Variants in BCAR3 observed in about 807,000 individuals in gnomAD.
The protein encoded by BCAR3 is BCAR3 adaptor protein, NSP family member, also known as breast cancer anti-estrogen resistance protein 3.
A neutral mutation model predicts 80.1 loss-of-function variants in BCAR3; 37 were observed. The ratio of observed to expected loss-of-function variants is 0.46; its 90% CI spans 0.36 to 0.61. The LOEUF is 0.61. BCAR3 is among the 20% of genes least tolerant of loss of function. BCAR3 has a pLI of 0.00. For missense variants in BCAR3, 978 were observed against 1,068.2 expected, an observed-to-expected ratio of 0.92 and a Z score of 1.18; for synonymous variants, 389 against 418.9, an observed-to-expected ratio of 0.93 and a Z score of 0.87.
At chr1:93,622,166 T>C (rs1675335120) in intron 3 of BCAR3, among the ~76,000 whole-genome samples, 1 of 152,224 alleles carries the variant, frequency 6.6e-6, no homozygotes, top group African/African-American at 2.4e-5. Flanking sequence ...CCCAAAGTGC[T>C]GGGATTACAG....
At chr1:93,652,457 T>C (rs978711430) in intron 2 of BCAR3, among the ~76,000 whole-genome samples, 6 of 152,162 alleles carry the variant, frequency 3.9e-5, no homozygotes, top group Admixed American at 2.6e-4. Flanking sequence ...CCAGACACCC[T>C]TTCCAGGGAG....
intron 2 of BCAR3, among the ~76,000 whole-genome samples, chr1:93,651,697 G>A (rs1231392504): frequency 6.6e-6 from 1 of 152,098 alleles, no homozygotes; most frequent in Non-Finnish European, 1.5e-5. Context: ...TAAAGAAGTC[G>A]ATTAGATGTA....
intron 2 of BCAR3, among the ~76,000 whole-genome samples, chr1:93,648,482 T>TAAATGAATG (rs1676218659): frequency 6.6e-6 from 1 of 152,194 alleles, no homozygotes; most frequent in Admixed American, 6.5e-5. Flanking sequence ...ATTAAGGTCT[T>TAAATGAATG]AAATGAATGA....
intron 2 of BCAR3, among the ~76,000 whole-genome samples, chr1:93,819,935 T>G (rs1654157662): frequency 6.6e-6 from 1 of 152,120 alleles, no homozygotes; most frequent in Non-Finnish European, 1.5e-5. Context: ...CACCCTCAAG[T>G]AGGTCCCAGG....
chr1:93,751,519 C>T (rs1349848800), intron 2 of BCAR3, among the ~76,000 whole-genome samples: 1 of 152,186 alleles, frequency 6.6e-6, no homozygotes, highest in Non-Finnish European at 1.5e-5. Flanking sequence ...AGCAATCCTG[C>T]CATGCCTCGG....
intron 7 of BCAR3, among the ~76,000 whole-genome samples, chr1:93,581,193 T>G (rs1305087345): frequency 6.6e-6 from 1 of 151,918 alleles, no homozygotes; most frequent in East Asian, 1.9e-4. Flanking sequence ...AATGTAAATA[T>G]TTAATCACAT....
At position 93,592,641 on chromosome 1, in the gene BCAR3, C is replaced by T; in HGVS notation, c.358-248G>A. 1 of 403,082 alleles carries T rather than the reference C, an allele frequency of 2.5e-6. No individual in the cohort carries two copies. Among genetic ancestry groups the T allele is most frequent in the South Asian group, 3.0e-5 (1 of 33,308 alleles). The allele number at this position is 403,082 out of a possible 1,614,324, so 25.0% of individuals were successfully genotyped here. A position where few individuals can be genotyped will look rare whatever the true frequency, so the allele number is the denominator to read the frequency against. On this transcript the variant is annotated intron_variant, in intron 3 of 11. Coordinates refer to ENST00000260502, the MANE Select transcript of BCAR3 (RefSeq NM_003567.4). This position sits in a 1 kb window ranked among gnomAD's most constrained non-coding sequence, Gnocchi z 4.8. ...CCACCAAGAGGTTCCTTTTACCAGT[C>T]TACTCAAGCAGCTGGGCAGGAAGGG...
intron 2 of BCAR3, among the ~76,000 whole-genome samples, chr1:93,719,331 C>G (rs1197033054): frequency 1.4e-5 from 1 of 73,422 alleles, no homozygotes; most frequent in Non-Finnish European, 2.8e-5. Context: ...TTTAAACTTT[C>G]TTGTTTTTTT....
rs762001108 is a variant in BCAR3 at position 93,674,713 on chromosome 1, A to G, written c.218T>C (p.Leu73Pro). Residue 73 changes from leucine (L) to proline (P), a missense_variant, in exon 2 of 12, where the codon CTC (leucine) becomes CCC (proline). By Grantham distance (98) the Leu-to-Pro change is moderately conservative (BLOSUM62 -3). Transcript: ENST00000260502. ...SCDDFSHMGT[L>P]PHSKSPRQNS... ...CTGCCGTGGGGATTTGGAGTGGGGGAGGGTGCCCATGTGACTGAAGTCATC... is the reference window on the plus strand; with the variant it reads ...CTGCCGTGGGGATTTGGAGTGGGGGGGGGTGCCCATGTGACTGAAGTCATC... 14 of 1,613,632 alleles carry G rather than the reference A, an allele frequency of 8.7e-6. No homozygotes were observed. The Admixed American group carries it at 2.0e-4, about 23-fold the overall frequency.
chr1:93,566,818 C>T (rs1672971646), intron 11 of BCAR3, among the ~76,000 whole-genome samples: 1 of 152,148 alleles, frequency 6.6e-6, no homozygotes, highest in African/African-American at 2.4e-5. Flanking sequence ...ACCTCCGCCT[C>T]CCGGGTTCAA....
chr1:93,708,422 C>G (rs776160634), intron 2 of BCAR3, among the ~76,000 whole-genome samples: 3 of 152,184 alleles, frequency 2.0e-5, no homozygotes, highest in Non-Finnish European at 4.4e-5. Context: ...CTGTTTTTCT[C>G]TCTTTCTCCC....
intron 2 of BCAR3, among the ~76,000 whole-genome samples, chr1:93,741,524 A>C (rs1651175462): frequency 6.6e-6 from 1 of 152,254 alleles, no homozygotes; most frequent in South Asian, 2.1e-4. Context: ...AATAATGCTT[A>C]GCACATAGCA....
intron 2 of BCAR3, among the ~76,000 whole-genome samples, chr1:93,843,437 G>A (rs1233374072): frequency 6.6e-6 from 1 of 152,168 alleles, no homozygotes; most frequent in African/African-American, 2.4e-5. Context: ...GTCCTTGAGA[G>A]GATTAACTCT....
intron 3 of BCAR3, among the ~76,000 whole-genome samples, chr1:93,593,542 TTG>T (rs1375190225): frequency 6.6e-6 from 1 of 151,516 alleles, no homozygotes; most frequent in African/African-American, 2.4e-5. Context: ...TGGCTAATTT[TTG>T]TAATTTTTTT....
At chr1:93,646,281 A>G (rs1027567452) in intron 2 of BCAR3, among the ~76,000 whole-genome samples, 3 of 152,218 alleles carry the variant, frequency 2.0e-5, no homozygotes, top group African/African-American at 7.2e-5. Context: ...TGACTTAAGT[A>G]AAATCTTTAA....
chr1:93,753,533 T>A (rs180838498), intron 2 of BCAR3: 1 of 142,354 alleles, frequency 7.0e-6, no homozygotes, highest in Non-Finnish European at 1.5e-5. Flanking sequence ...TGCGCGCATA[T>A]GCACGCGGGT....
chr1:93,627,790 C>T (rs1360767165), intron 3 of BCAR3, among the ~76,000 whole-genome samples: 1 of 152,030 alleles, frequency 6.6e-6, no homozygotes, highest in East Asian at 1.9e-4. Context: ...TTTTAGGGTC[C>T]TCAATAATTT....
intron 3 of BCAR3, among the ~76,000 whole-genome samples, chr1:93,629,116 C>T (rs376499156): frequency 6.6e-6 from 1 of 152,116 alleles, no homozygotes; most frequent in East Asian, 1.9e-4. Context: ...AAATAAAATT[C>T]CTCCCAAACT....
rs148662126 is a variant in BCAR3 at position 93,740,921 on chromosome 1, C to T, written c.-62-34779G>A. The stretch of plus-strand genomic sequence containing the variant: ...TTCCAGCTGACAGCCTTGTGTTCAG[C>T]CCTTAGATGCAAGCGCGTCTGCCGA... On this transcript the variant is annotated intron_variant, in intron 2 of 13. Coordinates refer to the BCAR3 transcript ENST00000370244. Among the ~76,000 whole-genome samples, 949 of 152,318 alleles carry T rather than the reference C, an allele frequency of 6.2e-3. 7 individuals are homozygous for T. The highest frequency in any genetic ancestry group is 0.011 in the Non-Finnish European group (728 of 68,038).
Sources: allele counts gnomAD v4.1 joint callset (sites outside exome capture counted in the v4.1 genomes callset), GRCh38; gene constraint gnomAD v4.1.1; non-coding constraint Gnocchi (gnomAD v3.1); transcripts MANE v1.5; gene names NCBI Gene and HGNC (gene_info 2026-07-23, HGNC 2026-07-21).